The following PIK3C2G variants were observed in gnomAD, a reference collection of about 807,000 sequenced individuals.
The protein encoded by PIK3C2G is phosphatidylinositol-4-phosphate 3-kinase catalytic subunit type 2 gamma, also known as phosphatidylinositol 3-kinase C2 domain-containing subunit gamma.
Under a neutral mutation model 181.1 loss-of-function variants are expected in PIK3C2G, and 168 were observed. The ratio of observed to expected loss-of-function variants is 0.93; its 90% CI spans 0.82 to 1.05. The LOEUF (loss-of-function observed/expected upper bound fraction) is 1.05, where lower values mean the gene tolerates loss of function less well. Among genes scored for constraint, PIK3C2G ranks in the 50% least tolerant of loss-of-function variants. The probability of loss-of-function intolerance (pLI) is 0.00; values close to 1 mark genes in which losing one functional copy is unlikely to be tolerated. For missense variants in PIK3C2G, 1,869 were observed against 1,732.8 expected, an observed-to-expected ratio of 1.08 and a Z score of -1.40; for synonymous variants, 573 against 592.2, an observed-to-expected ratio of 0.97 and a Z score of 0.47.
At chr12:18,518,622 T>C (rs1020187404) in intron 24 of PIK3C2G, among the ~76,000 whole-genome samples, 1 of 152,198 alleles carries the variant, frequency 6.6e-6, no homozygotes, top group South Asian at 2.1e-4. Context: ...GATCCTTCTC[T>C]CTTTTCTTCT....
chr12:18,408,567 A>C lies in PIK3C2G; in HGVS notation c.2315+8720A>C, dbSNP rs192578739. On this transcript the variant is annotated intron_variant, in intron 16 of 32. Transcript: ENST00000538779. ...AAGCCAAAACAGACAAATGGGATCT[A>C]ATTAAACTAAAGAGCTTCTGCACAG... 7.0e-3 allele frequency among the ~76,000 whole-genome samples: 1,064 copies of C among 152,274 alleles called. 6 individuals are homozygous for C. The highest frequency in any genetic ancestry group is 0.019 in the African/African-American group (777 of 41,546).
chr12:18,274,127 G>A (rs1224027275), intron 1 of PIK3C2G, among the ~76,000 whole-genome samples: 2 of 152,134 alleles, frequency 1.3e-5, no homozygotes, highest in Non-Finnish European at 2.9e-5. Context: ...CAGTTAGAAT[G>A]GTGATCATTA....
At chr12:18,617,906 A>C (rs1424473164) in intron 31 of PIK3C2G, among the ~76,000 whole-genome samples, 1 of 152,212 alleles carries the variant, frequency 6.6e-6, no homozygotes, top group Non-Finnish European at 1.5e-5. Flanking sequence ...GTATGTGCTG[A>C]GAATTAAAAT....
At chr12:18,560,137 A>AT (rs941135324) in intron 26 of PIK3C2G, among the ~76,000 whole-genome samples, 43 of 150,960 alleles carry the variant, frequency 2.8e-4, no homozygotes, top group Admixed American at 4.0e-4. Flanking sequence ...GGCCAAAATA[A>AT]TTTTTTTTTA....
chr12:18,424,690 G>T, intron 18 of PIK3C2G: 1 of 212,252 alleles, frequency 4.7e-6, no homozygotes, highest in South Asian at 8.9e-5. Context: ...TGCTATTCCT[G>T]AGAAGGCTTG....
rs772761967 is a variant in PIK3C2G, at chr12:18,282,742, T to C, written c.661T>C (p.Trp221Arg). ...SLQPGMWESTWQKNIESIGCS... is the reference protein window; with the variant it reads ...SLQPGMWESTRQKNIESIGCS... ...TCAACCCGGAATGTGGGAAAGTACA[T>C]GGCAGAAGAATATAGAGGTAAGTAT... The change falls in exon 2 of 33, where the codon TGG (tryptophan) becomes CGG (arginine). Residue 221 changes from tryptophan (W) to arginine (R), a missense_variant. Coordinates refer to ENST00000538779, the MANE Select transcript of PIK3C2G (RefSeq NM_001288772.2). The C allele has an allele frequency of 1.1e-5, 17 of 1,601,928 alleles. No homozygotes were observed. The Admixed American group carries it at 2.6e-4, about 24-fold the overall frequency.
chr12:18,409,080 A>G (rs1807149781), intron 16 of PIK3C2G, among the ~76,000 whole-genome samples: 1 of 152,216 alleles, frequency 6.6e-6, no homozygotes, highest in South Asian at 2.1e-4. Context: ...TCATTCTACT[A>G]TAAAGACACA....
chr12:18,338,593 A>G, intron 9 of PIK3C2G, 45 bp downstream of exon 9: 3 of 1,361,310 alleles, frequency 2.2e-6, no homozygotes, highest in Non-Finnish European at 3.1e-6. Flanking sequence ...ACCTGAGTTC[A>G]ATACTTAATT....
At chr12:18,328,063 C>T (rs1951427290) in intron 8 of PIK3C2G, among the ~76,000 whole-genome samples, 2 of 151,820 alleles carry the variant, frequency 1.3e-5, no homozygotes, top group African/African-American at 4.8e-5. Context: ...GGTAGGAAGT[C>T]CCTACCATGA....
At chr12:18,322,145 G>A (rs1951141332) in intron 7 of PIK3C2G, among the ~76,000 whole-genome samples, 1 of 152,062 alleles carries the variant, frequency 6.6e-6, no homozygotes, top group South Asian at 2.1e-4. Flanking sequence ...AGCACTTTAG[G>A]AGGCCTAGGC....
intron 21 of PIK3C2G, among the ~76,000 whole-genome samples, chr12:18,497,022 A>G (rs568750296): frequency 6.6e-6 from 1 of 152,324 alleles, no homozygotes; most frequent in African/African-American, 2.4e-5. Context: ...CTTTGGACAT[A>G]TGCAATCTCC....
chr12:18,538,909 A>G (rs1944006215), intron 25 of PIK3C2G, among the ~76,000 whole-genome samples: 1 of 151,996 alleles, frequency 6.6e-6, no homozygotes, highest in African/African-American at 2.4e-5. Context: ...CACTTTAAAG[A>G]GATGGAGACC....
intron 8 of PIK3C2G, among the ~76,000 whole-genome samples, chr12:18,334,456 C>T (rs1317933520): frequency 6.6e-6 from 1 of 151,878 alleles, no homozygotes; most frequent in Non-Finnish European, 1.5e-5. Context: ...TCTTTTTTGC[C>T]AAGCTAAAAT....
chr12:18,463,999 T>C (rs941028365), intron 18 of PIK3C2G, among the ~76,000 whole-genome samples: 1 of 152,126 alleles, frequency 6.6e-6, no homozygotes, highest in African/African-American at 2.4e-5. Flanking sequence ...TGATCTCAGA[T>C]CATTACACTT....
chr12:18,429,589 T>C (rs546131831), intron 18 of PIK3C2G, among the ~76,000 whole-genome samples: 2 of 152,194 alleles, frequency 1.3e-5, no homozygotes, highest in South Asian at 4.2e-4. Flanking sequence ...TGCTGCCCTG[T>C]CCCTTCCCCC....
chr12:18,536,104 T>C (rs1189097710), intron 24 of PIK3C2G, among the ~76,000 whole-genome samples: 1 of 152,052 alleles, frequency 6.6e-6, no homozygotes. Context: ...AAACTTAAAG[T>C]ATAATTAAAA....
chr12:18,666,400 T>C, the PIK3C2G span, among the ~76,000 whole-genome samples: 4 of 152,096 alleles, frequency 2.6e-5, no homozygotes, highest in Non-Finnish European at 5.9e-5. Context: ...AATACATTTA[T>C]GCAAATAGTC....
intron 1 of PIK3C2G, among the ~76,000 whole-genome samples, chr12:18,274,225 C>T (rs1416656941): frequency 6.6e-6 from 1 of 152,110 alleles, no homozygotes. Flanking sequence ...CTAGTTCAAC[C>T]ATTGTGGAAG....
intron 18 of PIK3C2G, among the ~76,000 whole-genome samples, chr12:18,444,998 A>C (rs1946948074): frequency 1.3e-5 from 2 of 152,292 alleles, no homozygotes; most frequent in South Asian, 4.1e-4. Flanking sequence ...GATTATCTTC[A>C]AGAATTTATA....
Sources: allele counts gnomAD v4.1 joint callset (sites outside exome capture counted in the v4.1 genomes callset), GRCh38; gene constraint gnomAD v4.1.1; transcripts MANE v1.5; gene names NCBI Gene and HGNC (gene_info 2026-07-23, HGNC 2026-07-21).